ZNF208: variants seen among roughly 807,000 people sequenced by gnomAD.
The protein encoded by ZNF208 is zinc finger protein 208.
A neutral mutation model predicts 12.1 loss-of-function variants in ZNF208; 10 were observed. The ratio of observed to expected loss-of-function variants is 0.83; its 90% CI spans 0.51 to 1.40. The LOEUF (loss-of-function observed/expected upper bound fraction) is 1.40, where lower values mean the gene tolerates loss of function less well. ZNF208 is among the 40% of genes most tolerant of loss of function. The pLI is 0.00. For synonymous variants in ZNF208, 497 were observed against 488.4 expected, an observed-to-expected ratio of 1.02 and a Z score of -0.23; for missense variants, 1,652 against 1,485.0, an observed-to-expected ratio of 1.11 and a Z score of -1.85.
chr19:21,978,028 T>A (rs1970465217), intron 3 of ZNF208, among the ~76,000 whole-genome samples: 1 of 152,050 alleles, frequency 6.6e-6, no homozygotes, highest in African/African-American at 2.4e-5. Flanking sequence ...TCAAGATGCC[T>A]CCTCTTTGGG....
chr19:21,950,107 T>C (rs986132968), intron 4 of ZNF208, among the ~76,000 whole-genome samples: 6 of 152,186 alleles, frequency 3.9e-5, no homozygotes, highest in African/African-American at 1.2e-4. Flanking sequence ...AAAGTTTTAA[T>C]TAATTAAATA....
chr19:21,952,646 C>A (rs781244390), intron 4 of ZNF208, among the ~76,000 whole-genome samples: 6 of 152,160 alleles, frequency 3.9e-5, no homozygotes, highest in Non-Finnish European at 7.3e-5. Flanking sequence ...AGGATATACA[C>A]CAAAACCCCA....
chr19:21,952,619 A>T (rs1456885536), intron 4 of ZNF208, among the ~76,000 whole-genome samples: 1 of 151,760 alleles, frequency 6.6e-6, no homozygotes, highest in Non-Finnish European at 1.5e-5. Flanking sequence ...AAAGGAATAG[A>T]AGCAACATCA....
intron 1 of ZNF208, among the ~76,000 whole-genome samples, chr19:22,002,206 T>C (rs1226340543): frequency 2.0e-5 from 3 of 152,120 alleles, no homozygotes; most frequent in Non-Finnish European, 4.4e-5. Context: ...GTCAAAATAG[T>C]AAGTTATCTA....
chr19:21,961,473 G>C (rs562858668), downstream of ZNF208, among the ~76,000 whole-genome samples: 1 of 152,114 alleles, frequency 6.6e-6, no homozygotes, highest in East Asian at 1.9e-4. Flanking sequence ...AGCTGTGCAC[G>C]TATTGGTTTG....
chr19:21,972,958 G>A lies in ZNF208; in HGVS notation c.2076C>T (p.Pro692=), dbSNP rs1970333897. Residue 692 remains proline, a synonymous_variant, in exon 4 of 4, where the codon CCC becomes CCT. Transcript: ENST00000397126. ...CTTTGCCACATTCTTCACATTTGTA[G>A]GGTTTCTCTCCAGTATGAATTACCT... ...KHKVIHTGEK[P]YKCEECGKAF... 2.5e-6 allele frequency: 4 copies of A among 1,613,780 alleles called. No homozygotes were observed. The East Asian group carries it at 8.9e-5, about 36-fold the overall frequency.
chr19:21,951,563 G>C (rs993553367), intron 4 of ZNF208, among the ~76,000 whole-genome samples: 1 of 152,140 alleles, frequency 6.6e-6, no homozygotes, highest in Non-Finnish European at 1.5e-5. Flanking sequence ...ATATCATATG[G>C]TGTTCCTTAA....
chr19:21,952,642 T>C (rs1438883226), intron 4 of ZNF208, among the ~76,000 whole-genome samples: 3 of 149,102 alleles, frequency 2.0e-5, no homozygotes, highest in Admixed American at 6.7e-5. Flanking sequence ...AAAAAGGATA[T>C]ACACCAAAAC....
In ZNF208 at chr19:21,970,749, G is replaced by C. The variant is rs1970263667; in HGVS notation, c.*442C>G. The stretch of plus-strand genomic sequence containing the variant: ...TAGGAGGGTTGGGAACTGTTTAAAA[G>C]CTTTGCCAAATTCTTCACATTTTTA... On this transcript the variant is annotated 3_prime_UTR_variant, in exon 4 of 4. Coordinates refer to ENST00000397126, the MANE Select transcript of ZNF208 (RefSeq NM_007153.3). 1 of 1,344,554 alleles carries C rather than the reference G, an allele frequency of 7.4e-7. No homozygotes were observed. The highest frequency in any genetic ancestry group is 1.4e-5 in the African/African-American group (1 of 69,218). 83.3% of individuals were successfully genotyped at this position (1,344,554 alleles called of 1,614,324 possible).
chr19:21,949,477 T>A (rs1302895057), intron 4 of ZNF208, among the ~76,000 whole-genome samples: 1 of 152,196 alleles, frequency 6.6e-6, no homozygotes, highest in East Asian at 1.9e-4. Context: ...TACACATTAC[T>A]GGTTTTTGCA....
At chr19:21,964,144 C>T (rs1340756487), downstream of ZNF208, among the ~76,000 whole-genome samples, 1 of 151,732 alleles carries the variant, frequency 6.6e-6, no homozygotes, top group Admixed American at 6.6e-5. Context: ...ACTACTAATA[C>T]TTTTTTTATA....
In ZNF208 at chr19:21,967,794, G is replaced by A. The variant is rs1272292975; in HGVS notation, c.*3397C>T. The A allele has an allele frequency of 6.6e-6, 1 of 152,126 alleles. No individual in the cohort carries two copies. The highest frequency in any genetic ancestry group is 1.5e-5 in the Non-Finnish European group (1 of 68,018). 9.4% of individuals were successfully genotyped at this position (152,126 alleles called of 1,614,324 possible). On this transcript the variant is annotated 3_prime_UTR_variant, in exon 4 of 4. Transcript: ENST00000397126. ...TTCTAATTCAATAAAAATCGTCATG[G>A]ATAGTCTGATAAAAATAGCACTTAA...
At chr19:21,956,705 G>A (rs1053629340) in intron 4 of ZNF208, among the ~76,000 whole-genome samples, 3 of 152,148 alleles carry the variant, frequency 2.0e-5, no homozygotes, top group Non-Finnish European at 4.4e-5. Context: ...TGTTAGGGTG[G>A]GAGTGTCCCG....
chr19:21,997,242 C>G (rs1970853537), intron 1 of ZNF208, among the ~76,000 whole-genome samples: 1 of 152,200 alleles, frequency 6.6e-6, no homozygotes. Context: ...GTAGAATTTA[C>G]AGCACCATGT....
chr19:22,007,619 G>GT (rs1316609875), intron 1 of ZNF208, among the ~76,000 whole-genome samples: 1 of 149,998 alleles, frequency 6.7e-6, no homozygotes, highest in African/African-American at 2.4e-5. Context: ...ATTAGATATT[G>GT]TTTTTTGAAA....
chr19:21,959,981 T>C (rs775799093), intron 4 of ZNF208, among the ~76,000 whole-genome samples: 4 of 152,134 alleles, frequency 2.6e-5, no homozygotes, highest in Non-Finnish European at 4.4e-5. Context: ...TTAAATAAAA[T>C]AGAGTAAAAT....
chr19:22,004,560 G>A (rs897042904), intron 1 of ZNF208, among the ~76,000 whole-genome samples: 1 of 152,026 alleles, frequency 6.6e-6, no homozygotes, highest in Non-Finnish European at 1.5e-5. Flanking sequence ...ATGAATTCAT[G>A]AAATACTGAG....
rs187414726 is a variant in ZNF208 at position 21,951,917 on chromosome 19, T to C, written c.306-18680A>G. Among the ~76,000 whole-genome samples, 741 of 152,338 alleles carry C rather than the reference T, an allele frequency of 4.9e-3. 5 individuals are homozygous for C. The highest frequency in any genetic ancestry group is 8.0e-3 in the Non-Finnish European group (541 of 68,034). The stretch of plus-strand genomic sequence containing the variant: ...AGCCTGGAGAAGCCAGGACAGACTG[T>C]ACTTGGAAAAATGGGATATTCCCAC... On this transcript the variant is annotated intron_variant, in intron 4 of 4. Transcript: ENST00000599916.
chr19:21,956,232 T>A (rs1460508348), intron 4 of ZNF208, among the ~76,000 whole-genome samples: 1 of 152,140 alleles, frequency 6.6e-6, no homozygotes, highest in African/African-American at 2.4e-5. Context: ...CTGTATGAGG[T>A]GTCAGTCGGC....
Sources: allele counts gnomAD v4.1 joint callset (sites outside exome capture counted in the v4.1 genomes callset), GRCh38; gene constraint gnomAD v4.1.1; transcripts MANE v1.5; gene names NCBI Gene and HGNC (gene_info 2026-07-23, HGNC 2026-07-21).